The following CACUL1 variants were observed in gnomAD, a reference collection of about 807,000 sequenced individuals.
CACUL1 encodes the protein CDK2 associated cullin domain 1.
In CACUL1, 13 loss-of-function variants were observed where a neutral mutation model predicts 45.2. The observed-to-expected ratio is 0.29, with a 90% CI of 0.19 to 0.46. The LOEUF (loss-of-function observed/expected upper bound fraction) is 0.46. CACUL1 is among the 20% of genes least tolerant of loss of function. CACUL1 has a pLI of 1.00. For synonymous variants in CACUL1, 197 were observed against 174.2 expected (o/e 1.13, Z -1.03); for missense variants, 421 against 471.4 (o/e 0.89, Z 0.99).
intron 7 of CACUL1, among the ~76,000 whole-genome samples, chr10:118,687,624 C>A (rs1253068003): frequency 1.3e-5 from 2 of 152,150 alleles, no homozygotes; most frequent in African/African-American, 4.8e-5. Context: ...TTAGTTCATG[C>A]CTCTCATGAA....
At chr10:118,713,485 C>T (rs113794238) in intron 3 of CACUL1, among the ~76,000 whole-genome samples, 3,540 of 152,178 alleles carry the variant, frequency 0.023, 138 homozygotes, top group African/African-American at 0.082. Flanking sequence ...GTGGCCACTC[C>T]AGATGGGCCG....
chr10:118,696,692 C>T (rs1453384122), intron 5 of CACUL1, among the ~76,000 whole-genome samples: 1 of 152,240 alleles, frequency 6.6e-6, no homozygotes, highest in Non-Finnish European at 1.5e-5. Flanking sequence ...CAAAGCCATA[C>T]TAGGCCGCAT....
intron 3 of CACUL1, among the ~76,000 whole-genome samples, chr10:118,721,577 C>T (rs1845600819): frequency 6.6e-6 from 1 of 152,048 alleles, no homozygotes; most frequent in South Asian, 2.1e-4. Context: ...TTCCCAGCAC[C>T]TTTGTCTCTG....
rs143803777 is a variant in CACUL1, at chr10:118,701,500, C to T, written c.694-92G>A. The T allele has an allele frequency of 1.0e-3, 592 of 576,392 alleles. 2 individuals carry two copies. Among genetic ancestry groups the T allele is most frequent in the African/African-American group, 1.0e-2 (532 of 53,210 alleles). 35.7% of individuals were successfully genotyped at this position (576,392 alleles called of 1,614,324 possible). A position where few individuals can be genotyped will look rare whatever the true frequency, so the allele number is the denominator to read the frequency against. The stretch of plus-strand genomic sequence containing the variant: ...GCACTAAATATTTTAGAAAACAATG[C>T]ATAAAGGCATCAATTAAAGCAGAAA... On this transcript the variant is annotated intron_variant, in intron 4 of 8. Transcript: ENST00000369151.
chr10:118,714,351 T>C (rs1203447897), intron 3 of CACUL1, among the ~76,000 whole-genome samples: 18 of 152,190 alleles, frequency 1.2e-4, no homozygotes, highest in Non-Finnish European at 1.5e-5. Context: ...TTGATTTCAT[T>C]AGACGGTATC....
intron 1 of CACUL1, among the ~76,000 whole-genome samples, chr10:118,735,536 T>TA (rs1218343007): frequency 3.9e-5 from 6 of 152,210 alleles, no homozygotes; most frequent in African/African-American, 1.2e-4. Context: ...AGATAATTCT[T>TA]ACGCCTGTTA....
At chr10:118,710,057 T>C (rs1845469791) in intron 3 of CACUL1, among the ~76,000 whole-genome samples, 1 of 151,540 alleles carries the variant, frequency 6.6e-6, no homozygotes, top group Non-Finnish European at 1.5e-5. Context: ...GGACTACAGG[T>C]ATGCAGCACT....
intron 8 of CACUL1, among the ~76,000 whole-genome samples, chr10:118,686,383 C>T (rs1845206256): frequency 6.6e-6 from 1 of 152,170 alleles, no homozygotes; most frequent in African/African-American, 2.4e-5. Context: ...CCAGTAGAAA[C>T]TAAAGAACCT....
intron 4 of CACUL1, among the ~76,000 whole-genome samples, chr10:118,705,259 A>G (rs1196871991): frequency 6.6e-6 from 1 of 152,246 alleles, no homozygotes; most frequent in African/African-American, 2.4e-5. Context: ...AATTTAGAGC[A>G]AAAGTTGATT....
At chr10:118,698,771 A>T (rs890311003) in intron 5 of CACUL1, among the ~76,000 whole-genome samples, 2 of 152,194 alleles carry the variant, frequency 1.3e-5, no homozygotes, top group African/African-American at 4.8e-5. Flanking sequence ...GCAAAATAAA[A>T]GACTGTTGTT....
intron 3 of CACUL1, among the ~76,000 whole-genome samples, chr10:118,718,944 C>T (rs557355720): frequency 2.0e-5 from 3 of 152,280 alleles, no homozygotes; most frequent in Admixed American, 2.0e-4. Flanking sequence ...CAATGTCCAA[C>T]ATTCAATAAA....
chr10:118,707,759 C>T (rs1411040464), intron 3 of CACUL1, among the ~76,000 whole-genome samples, 172 bp from the exon 4 acceptor site: 2 of 151,358 alleles, frequency 1.3e-5, no homozygotes, highest in Non-Finnish European at 2.9e-5. Context: ...CACCTTTGTT[C>T]CAAAATCTGC....
At chr10:118,708,499 T>C (rs773584586) in intron 3 of CACUL1, among the ~76,000 whole-genome samples, 4 of 152,112 alleles carry the variant, frequency 2.6e-5, no homozygotes, top group African/African-American at 4.8e-5. Flanking sequence ...TTTTACAAAA[T>C]ACCAAATCAT....
chr10:118,730,349 G>A lies in CACUL1; in HGVS notation c.429C>T (p.Ala143=). The A allele has an allele frequency of 6.2e-7, 1 of 1,613,772 alleles. No homozygotes were observed. The highest frequency in any genetic ancestry group is 8.5e-7 in the Non-Finnish European group (1 of 1,179,722). ...GACTCTGAGTTAAAAGTTGATCTAT[G>A]GCACCATCCAATTTTGGCCAGTATG... ...KSTYWPKLDG[A]IDQLLTQSPG... The change falls in exon 2 of 9, where the codon GCC becomes GCT. Residue 143 remains alanine (A), a synonymous_variant. Transcript: ENST00000369151.
intron 1 of CACUL1, among the ~76,000 whole-genome samples, chr10:118,748,314 G>C (rs150243210): frequency 1.2e-4 from 18 of 152,234 alleles, no homozygotes; most frequent in African/African-American, 4.3e-4. Flanking sequence ...CAAAGAGCAG[G>C]CTTGCTCACT....
chr10:118,708,933 GGA>G lies in CACUL1; in HGVS notation c.598-1348_598-1347del, dbSNP rs560829541. ...TAGTACAGTTGACCCTTGAAAAACC[GGA>G]GAGTTAGGGGAGCCAACACCCAAAA... is the stretch of plus-strand genomic sequence containing the variant. On this transcript the variant is annotated intron_variant, in intron 3 of 8. Coordinates refer to ENST00000369151, the MANE Select transcript of CACUL1 (RefSeq NM_153810.5). Among the ~76,000 whole-genome samples the G allele has an allele frequency of 2.8e-3, 424 of 152,222 alleles. 1 individual carries two copies. The highest frequency in any genetic ancestry group is 9.2e-3 in the African/African-American group (384 of 41,520).
At chr10:118,708,742 T>C (rs1006381481) in intron 3 of CACUL1, among the ~76,000 whole-genome samples, 11 of 152,086 alleles carry the variant, frequency 7.2e-5, no homozygotes, top group African/African-American at 2.2e-4. Context: ...GCTCCTCCCA[T>C]AGGGCTCAGA....
intron 3 of CACUL1, among the ~76,000 whole-genome samples, chr10:118,716,630 T>C (rs1845548255): frequency 7.3e-6 from 1 of 137,926 alleles, no homozygotes; most frequent in East Asian, 2.1e-4. Flanking sequence ...TGAGACAGAG[T>C]CTCACTCTGT....
intron 3 of CACUL1, among the ~76,000 whole-genome samples, chr10:118,714,755 T>C (rs892739526): frequency 6.6e-6 from 1 of 152,220 alleles, no homozygotes; most frequent in East Asian, 1.9e-4. Context: ...TTTTTTAAAG[T>C]ATAAAGTCAC....
Sources: gnomAD v4.1 joint callset for allele counts (sites outside exome capture counted in the v4.1 genomes callset) on GRCh38, gnomAD v4.1.1 for gene constraint, MANE v1.5 for transcripts, NCBI Gene and HGNC (gene_info 2026-07-23, HGNC 2026-07-21) for gene names.